CFAP206: variants seen among roughly 807,000 people sequenced by gnomAD.
The protein encoded by CFAP206 is cilia- and flagella-associated protein 206.
CFAP206 carries 53 observed loss-of-function variants against 65.4 expected under a neutral mutation model. The observed-to-expected ratio is 0.81, with a 90% CI of 0.65 to 1.02. The LOEUF is 1.02. Among genes scored for constraint, CFAP206 ranks in the 50% least tolerant of loss-of-function variants. CFAP206 has a pLI of 0.00. For synonymous variants in CFAP206, 250 were observed against 254.4 expected (o/e 0.98, Z 0.17); for missense variants, 663 against 753.2 (o/e 0.88, Z 1.40).
At position 87,464,346 on chromosome 6, in the gene CFAP206, G is replaced by A; in HGVS notation, c.*96G>A. 1.2e-6 allele frequency: 1 copy of A among 860,012 alleles called. No individual in the cohort carries two copies. Among genetic ancestry groups the A allele is most frequent in the Non-Finnish European group, 1.7e-6 (1 of 592,880 alleles). The allele number at this position is 860,012 out of a possible 1,614,324, so 53.3% of individuals were successfully genotyped here. On this transcript the variant is annotated 3_prime_UTR_variant, in exon 13 of 13. Coordinates refer to ENST00000369562, the MANE Select transcript of CFAP206 (RefSeq NM_001031743.3). ...ATCTATACAAATTAATTTTGTAGGG[G>A]TGGCACATTCATTGGTTGTGTGACT...
intron 5 of CFAP206, 62 bp from the exon 6 acceptor site, chr6:87,416,607 A>C: frequency 6.9e-7 from 1 of 1,457,546 alleles, no homozygotes; most frequent in Non-Finnish European, 9.2e-7. Context: ...AACGTTATTT[A>C]ACGTCTGATA....
chr6:87,416,389 T>A (rs535279392), intron 5 of CFAP206, among the ~76,000 whole-genome samples: 1 of 152,190 alleles, frequency 6.6e-6, no homozygotes, highest in African/African-American at 2.4e-5. Context: ...TTGGCTCAGA[T>A]CCCTAATTAG....
chr6:87,463,741 TAATA>T (rs1269401905), intron 12 of CFAP206, among the ~76,000 whole-genome samples: 2 of 152,190 alleles, frequency 1.3e-5, no homozygotes, highest in African/African-American at 2.4e-5. Context: ...TAGATTATAT[TAATA>T]AATAACTGGT....
chr6:87,421,384 A>G (rs1316249431), intron 7 of CFAP206, among the ~76,000 whole-genome samples: 2 of 152,008 alleles, frequency 1.3e-5, no homozygotes, highest in Non-Finnish European at 2.9e-5. Flanking sequence ...TATTCAGGAG[A>G]CTGAGGCAGG....
chr6:87,408,703 C>A (rs1415171770), intron 1 of CFAP206: 2 of 146,902 alleles, frequency 1.4e-5, no homozygotes, highest in African/African-American at 5.2e-5. Context: ...CCTTAAGCCG[C>A]GCACTGTTGT....
At position 87,464,008 on chromosome 6, in the gene CFAP206, CTT is replaced by C. The variant is rs1320611259; in HGVS notation, c.1639-10_1639-9del. 3.1e-6 allele frequency: 5 copies of C among 1,591,226 alleles called. No homozygotes were observed. In the Admixed American group the frequency reaches 6.7e-5, roughly 21 times the overall value. On this transcript the variant is annotated splice_polypyrimidine_tract_variant and intron_variant, in intron 12 of 12. Coordinates refer to ENST00000369562, the MANE Select transcript of CFAP206 (RefSeq NM_001031743.3). ...AGAGAAATGTTAATTCCTGTATTCTCTTTCTCTTTAGGCTAATTTGCGCCAGA... is the reference window on the plus strand; with the variant it reads ...AGAGAAATGTTAATTCCTGTATTCTCTCTCTTTAGGCTAATTTGCGCCAGA...
At chr6:87,440,683 T>C (rs1418961986) in intron 11 of CFAP206, among the ~76,000 whole-genome samples, 1 of 152,218 alleles carries the variant, frequency 6.6e-6, no homozygotes, top group African/African-American at 2.4e-5. Flanking sequence ...AAACTGGTTT[T>C]GATAACATAA....
In CFAP206 at chr6:87,461,010, C is replaced by T; in HGVS notation, c.1495-12C>T. 1 of 1,563,008 alleles carries T rather than the reference C, an allele frequency of 6.4e-7. No homozygotes were observed. Among genetic ancestry groups the T allele is most frequent in the South Asian group, 1.2e-5 (1 of 81,418 alleles). ...TTTTACAAGCACTAACTACAAAACT[C>T]CACTTCTTTAGATGAGAGATGCTGA... On this transcript the variant is annotated splice_polypyrimidine_tract_variant and intron_variant, in intron 11 of 12. Coordinates refer to ENST00000369562, the MANE Select transcript of CFAP206 (RefSeq NM_001031743.3).
chr6:87,459,387 C>T (rs984607500), intron 11 of CFAP206, among the ~76,000 whole-genome samples: 28 of 152,044 alleles, frequency 1.8e-4, no homozygotes, highest in African/African-American at 6.5e-4. Flanking sequence ...GAGTTATATA[C>T]TGGTTTTAAA....
intron 9 of CFAP206, among the ~76,000 whole-genome samples, chr6:87,430,026 G>T (rs143687187): frequency 6.6e-6 from 1 of 152,276 alleles, no homozygotes; most frequent in East Asian, 1.9e-4. Flanking sequence ...CAACTTCTTA[G>T]ATTTAGATGT....
At chr6:87,408,602 C>T (rs748457401) in intron 1 of CFAP206, 1 of 151,668 alleles carries the variant, frequency 6.6e-6, no homozygotes, top group Non-Finnish European at 1.5e-5. Flanking sequence ...CACACAGATC[C>T]GGAGCGCGAC....
chr6:87,446,366 C>G (rs1768440719), intron 11 of CFAP206, among the ~76,000 whole-genome samples: 1 of 152,084 alleles, frequency 6.6e-6, no homozygotes. Context: ...AGTCTTTAAT[C>G]CATCTTAAGT....
intron 10 of CFAP206, among the ~76,000 whole-genome samples, chr6:87,431,536 C>T (rs996730977): frequency 6.6e-6 from 1 of 152,070 alleles, no homozygotes; most frequent in Non-Finnish European, 1.5e-5. Context: ...GAGGTCAGGG[C>T]GGGTGGATCA....
At chr6:87,439,633 G>A (rs557379482) in intron 11 of CFAP206, among the ~76,000 whole-genome samples, 2 of 151,944 alleles carry the variant, frequency 1.3e-5, no homozygotes, top group East Asian at 1.9e-4. Context: ...TTGAGATCAC[G>A]AAAATATTCT....
At chr6:87,422,944 A>G (rs1047697734) in intron 7 of CFAP206, among the ~76,000 whole-genome samples, 3 of 151,942 alleles carry the variant, frequency 2.0e-5, no homozygotes, top group African/African-American at 7.2e-5. Context: ...TCTTTTTCAG[A>G]CAGGGTCTCG....
At chr6:87,445,019 A>G in intron 11 of CFAP206, 2 of 520,540 alleles carry the variant, frequency 3.8e-6, no homozygotes, top group Admixed American at 2.0e-5. Context: ...TCTCTTTGGC[A>G]TGTAGAATGG....
In CFAP206 at chr6:87,428,804, G is replaced by A; in HGVS notation, c.1139G>A (p.Cys380Tyr). The A allele has an allele frequency of 6.2e-7, 1 of 1,613,820 alleles. No homozygotes were observed. The highest frequency in any genetic ancestry group is 8.5e-7 in the Non-Finnish European group (1 of 1,179,732). The change falls in exon 9 of 13, where the codon TGT becomes TAT. Residue 380 changes from cysteine to tyrosine, a missense_variant. Cys to Tyr is a radical substitution (Grantham distance 194). Coordinates refer to ENST00000369562, the MANE Select transcript of CFAP206 (RefSeq NM_001031743.3). ...GGAGCGACTGTGAAAACTGATGTGT[G>A]TAGAATGAAAGAACACATGGGTAAT... Reference protein sequence around the residue: ...LNGATVKTDVCRMKEHMEDRV... With the variant: ...LNGATVKTDVYRMKEHMEDRV...
At chr6:87,432,917 T>A (rs984116741) in intron 10 of CFAP206, among the ~76,000 whole-genome samples, 1 of 152,222 alleles carries the variant, frequency 6.6e-6, no homozygotes, top group Non-Finnish European at 1.5e-5. Flanking sequence ...CTTCCCTTCT[T>A]CCATTCAGGA....
chr6:87,464,111 A>G lies in CFAP206; in HGVS notation c.1730A>G (p.Asp577Gly), dbSNP rs780162671. ...TGTTCCCAAGTGTACCCTCCAAAGG[A>G]CACTAGCACCCAGTCCATGAGGGAA... ...ENCSQVYPPK[D>G]TSTQSMREDS... is the part of the protein sequence containing the mutation. Residue 577 changes from aspartate to glycine, a missense_variant, in exon 13 of 13, where the codon GAC becomes GGC. Physicochemically the swap from Asp to Gly is moderately conservative, Grantham distance 94. Transcript: ENST00000369562. 1 of 1,614,174 alleles carries G rather than the reference A, an allele frequency of 6.2e-7. No homozygotes were observed. Among genetic ancestry groups the G allele is most frequent in the Non-Finnish European group, 8.5e-7 (1 of 1,180,020 alleles).
Sources: gnomAD v4.1 joint callset for allele counts (sites outside exome capture counted in the v4.1 genomes callset) on GRCh38, gnomAD v4.1.1 for gene constraint, MANE v1.5 for transcripts, NCBI Gene and HGNC (gene_info 2026-07-23, HGNC 2026-07-21) for gene names.